CCDC157: variants seen among roughly 807,000 people sequenced by gnomAD.
The protein encoded by CCDC157 is coiled-coil domain-containing protein 157.
A neutral mutation model predicts 70.9 loss-of-function variants in CCDC157; 60 were observed. The observed-to-expected ratio is 0.85, with a 90% confidence interval of 0.69 to 1.05. CCDC157 has a LOEUF of 1.05. Among genes scored for constraint, CCDC157 ranks in the 50% least tolerant of loss-of-function variants. The probability of loss-of-function intolerance (pLI) is 0.00; values close to 1 mark genes in which losing one functional copy is unlikely to be tolerated. For synonymous variants in CCDC157, 373 were observed against 422.4 expected (o/e 0.88, Z 1.43); for missense variants, 943 against 984.2 (o/e 0.96, Z 0.56).
intron 2 of CCDC157, among the ~76,000 whole-genome samples, chr22:30,363,683 CTTTTTTTT>C (rs55722661): frequency 3.5e-5 from 4 of 114,652 alleles, no homozygotes; most frequent in African/African-American, 1.4e-4. Context: ...GAATGTTTCT[CTTTTTTTT>C]TTTTTTTTTT....
chr22:30,373,336 G>A, intron 7 of CCDC157: 1 of 506,608 alleles, frequency 2.0e-6, no homozygotes, highest in East Asian at 3.5e-5. Context: ...GAGACCCCCA[G>A]AGCCAGCCAT....
chr22:30,378,066 C>T lies in CCDC157; in HGVS notation c.*1321C>T, dbSNP rs1166577858. 8 of 470,288 alleles carry T rather than the reference C, an allele frequency of 1.7e-5. No homozygotes were observed. The highest frequency in any genetic ancestry group is 9.4e-5 in the Admixed American group (4 of 42,464). The allele number at this position is 470,288 out of a possible 1,614,324, so 29.1% of individuals were successfully genotyped here. A position where few individuals can be genotyped will look rare whatever the true frequency, so the allele number is the denominator to read the frequency against. ...TGTGGGACTGAGGTCCCCATGTCCT[C>T]GCTGGCTGGCTGTAAGCCAGGTCCT... is the stretch of plus-strand genomic sequence containing the variant. On this transcript the variant is annotated 3_prime_UTR_variant, in exon 12 of 12. Transcript: ENST00000338306.
Position 30,376,667 on chromosome 22 carries a change from G to A in CCDC157, c.2181G>A (p.Leu727=). ...GCACCCAGAACCCCATCAAGGTCTT[G>A]GTCAGGCTGAGAAAGAGACTGTCAC... ...DTCTQNPIKV[L]VRLRKRLSPG... The change falls in exon 12 of 12, where the codon TTG becomes TTA. Residue 727 remains leucine, a synonymous_variant. Coordinates refer to ENST00000338306, the MANE Select transcript of CCDC157 (RefSeq NM_001017437.5). 1.2e-6 allele frequency: 2 copies of A among 1,613,752 alleles called. No individual in the cohort carries two copies. Among genetic ancestry groups the A allele is most frequent in the Non-Finnish European group, 1.7e-6 (2 of 1,180,012 alleles).
chr22:30,363,588 C>T (rs1932500806), intron 2 of CCDC157, among the ~76,000 whole-genome samples: 1 of 151,462 alleles, frequency 6.6e-6, no homozygotes, highest in African/African-American at 2.4e-5. Context: ...AACGTAATGG[C>T]AGTCCTAGTG....
intron 2 of CCDC157, among the ~76,000 whole-genome samples, chr22:30,363,413 G>C (rs1001586005): frequency 3.9e-5 from 6 of 152,060 alleles, no homozygotes; most frequent in African/African-American, 1.4e-4. Context: ...TATTGCTTAA[G>C]AACTTTTACT....
chr22:30,363,933 C>T (rs964560026), intron 2 of CCDC157, among the ~76,000 whole-genome samples: 21 of 152,106 alleles, frequency 1.4e-4, no homozygotes, highest in African/African-American at 5.1e-4. Context: ...CCGCCCGCCT[C>T]GGCCTCCCAA....
At chr22:30,365,905 C>G in intron 2 of CCDC157, 85 bp from the exon 3 acceptor site, 2 of 1,317,296 alleles carry the variant, frequency 1.5e-6, no homozygotes, top group Non-Finnish European at 2.1e-6. Context: ...CCTAGCAGCT[C>G]CTGGGCAGAT....
Position 30,370,442 on chromosome 22 carries a change from C to T in CCDC157, c.537C>T (p.Gly179=). The T allele has an allele frequency of 6.2e-7, 1 of 1,614,144 alleles. No homozygotes were observed. The highest frequency in any genetic ancestry group is 1.1e-5 in the South Asian group (1 of 91,086). ...KLIKPSSPVL[G]LPQTCQEPES... ...TCAAGCCCTCCTCCCCAGTGCTAGG[C>T]TTGCCCCAGACCTGCCAAGAGCCAG... The change falls in exon 5 of 12, where the codon GGC becomes GGT. Residue 179 remains glycine, a synonymous_variant. Coordinates refer to ENST00000338306, the MANE Select transcript of CCDC157 (RefSeq NM_001017437.5).
At chr22:30,372,049 C>T in intron 6 of CCDC157, 26 bp from the exon 7 acceptor site, 5 of 1,457,644 alleles carry the variant, frequency 3.4e-6, no homozygotes, top group Non-Finnish European at 4.7e-6. Context: ...TGCCCTACCC[C>T]ATCCCATGTC....
chr22:30,376,017 G>GT (rs1933329039), intron 10 of CCDC157: 1 of 540,018 alleles, frequency 1.9e-6, no homozygotes, highest in East Asian at 3.0e-5. Flanking sequence ...ATGGGACCCC[G>GT]TTTCTACAAA....
chr22:30,372,244 T>A lies in CCDC157; in HGVS notation c.1293T>A (p.Asp431Glu). Reference protein sequence around the residue: ...QQVCWASTELDKEKARVDSMV... With the variant: ...QQVCWASTELEKEKARVDSMV... Reference sequence around the variant, plus strand: ...TCTGCTGGGCCAGCACGGAGCTGGATAAGGAGAAGGCCCGTGTCGACAGCA... The same window carrying A: ...TCTGCTGGGCCAGCACGGAGCTGGAAAAGGAGAAGGCCCGTGTCGACAGCA... Residue 431 changes from aspartate to glutamate, a missense_variant, in exon 7 of 12, where the codon GAT (aspartate) becomes GAA (glutamate). Asp to Glu is a conservative substitution (Grantham distance 45). Transcript: ENST00000338306. 1.9e-6 allele frequency: 3 copies of A among 1,598,516 alleles called. No individual in the cohort carries two copies. In the South Asian group the frequency reaches 3.4e-5, roughly 18 times the overall value.
rs747261811 is a variant in CCDC157 at position 30,376,564 on chromosome 22, C to G, written c.2078C>G (p.Pro693Arg). ...RQPCTSPPRQPCTSPSRQPCS... is the reference protein window; with the variant it reads ...RQPCTSPPRQRCTSPSRQPCS... ...CCCTGCACATCCCCACCTCGGCAGCCCTGCACATCCCCATCTCGGCAGCCC... is the reference window on the plus strand; with the variant it reads ...CCCTGCACATCCCCACCTCGGCAGCGCTGCACATCCCCATCTCGGCAGCCC... The change falls in exon 12 of 12, where the codon CCC becomes CGC. Residue 693 changes from proline (P) to arginine (R), a missense_variant. Pro to Arg is a moderately radical substitution (Grantham distance 103, BLOSUM62 -2). Transcript: ENST00000338306. 3 of 1,613,458 alleles carry G rather than the reference C, an allele frequency of 1.9e-6. No individual in the cohort carries two copies.
chr22:30,370,469 G>A lies in CCDC157; in HGVS notation c.564G>A (p.Glu188=). The A allele has an allele frequency of 6.2e-7, 1 of 1,614,092 alleles. No individual in the cohort carries two copies. The highest frequency in any genetic ancestry group is 1.7e-5 in the Admixed American group (1 of 60,018). ...LGLPQTCQEP[E]SIPVRASLQF... ...TGCCCCAGACCTGCCAAGAGCCAGA[G>A]AGCATCCCTGTCAGAGCCTCCCTGC... The change falls in exon 5 of 12, where the codon GAG becomes GAA. Residue 188 remains glutamate (E), a synonymous_variant. Coordinates refer to ENST00000338306, the MANE Select transcript of CCDC157 (RefSeq NM_001017437.5).
In CCDC157 at chr22:30,370,391, C is replaced by T. The variant is rs949833880; in HGVS notation, c.486C>T (p.Ser162=). ...KPTTKGEPAR[S]PEYLTTKLIK... is the part of the protein sequence containing the mutation. Reference sequence around the variant, plus strand: ...CCACCAAGGGCGAGCCAGCCAGGAGCCCTGAATATCTGACTACCAAGTTAA... The same window carrying T: ...CCACCAAGGGCGAGCCAGCCAGGAGTCCTGAATATCTGACTACCAAGTTAA... Residue 162 remains serine (S), a synonymous_variant, in exon 5 of 12, where the codon AGC becomes AGT. Coordinates refer to ENST00000338306, the MANE Select transcript of CCDC157 (RefSeq NM_001017437.5). The T allele has an allele frequency of 6.2e-7, 1 of 1,614,000 alleles. No individual in the cohort carries two copies. Among genetic ancestry groups the T allele is most frequent in the African/African-American group, 1.3e-5 (1 of 74,924 alleles).
rs1465736866 is a variant in CCDC157, at chr22:30,374,018, G to A, written c.1599G>A (p.Glu533=). ...LTILELEREL[E]ELKERERLLV... The stretch of plus-strand genomic sequence containing the variant: ...TCCTGGAGCTAGAACGGGAGCTGGA[G>A]GAGCTGAAGGAGCGGGAGCGGCTGC... The change falls in exon 9 of 12, where the codon GAG becomes GAA. Residue 533 remains glutamate (E), a synonymous_variant. Coordinates refer to ENST00000338306, the MANE Select transcript of CCDC157 (RefSeq NM_001017437.5). The A allele has an allele frequency of 6.2e-7, 1 of 1,611,204 alleles. No individual in the cohort carries two copies. Among genetic ancestry groups the A allele is most frequent in the South Asian group, 1.1e-5 (1 of 90,230 alleles).
chr22:30,371,227 C>T, intron 5 of CCDC157: 3 of 540,296 alleles, frequency 5.6e-6, no homozygotes, highest in Non-Finnish European at 1.0e-5. Context: ...TATGTATCCA[C>T]TTGCACTGTC....
At chr22:30,360,878 T>G (rs954060018) in intron 1 of CCDC157, among the ~76,000 whole-genome samples, 1 of 151,914 alleles carries the variant, frequency 6.6e-6, no homozygotes, top group Admixed American at 6.6e-5. Context: ...AAACCCCATC[T>G]CTAATAAAAA....
At position 30,370,321 on chromosome 22, in the gene CCDC157, CA is replaced by C; in HGVS notation, c.421-4del. ...CTGCTTTCCCTTGTCTTTTTCTGAA[CA>C]CAGAAAGGGGCAAACCAAAGGGAGA... On this transcript the variant is annotated splice_region_variant and splice_polypyrimidine_tract_variant and intron_variant, in intron 4 of 11. Coordinates refer to ENST00000338306, the MANE Select transcript of CCDC157 (RefSeq NM_001017437.5). 6.2e-7 allele frequency: 1 copy of C among 1,611,946 alleles called. No homozygotes were observed. The highest frequency in any genetic ancestry group is 8.5e-7 in the Non-Finnish European group (1 of 1,178,454).
chr22:30,372,363 G>A (rs1484393592), intron 7 of CCDC157, 77 bp downstream of exon 7: 80 of 1,439,740 alleles, frequency 5.6e-5, no homozygotes, highest in Non-Finnish European at 7.0e-5. Flanking sequence ...GTCAGGGAAT[G>A]GGGGATCATC....
Sources: allele counts gnomAD v4.1 joint callset (sites outside exome capture counted in the v4.1 genomes callset), GRCh38; gene constraint gnomAD v4.1.1; transcripts MANE v1.5; gene names NCBI Gene and HGNC (gene_info 2026-07-23, HGNC 2026-07-21).